The following IQGAP2 variants were observed in gnomAD, a reference collection of about 807,000 sequenced individuals.
IQGAP2 encodes ras GTPase-activating-like protein IQGAP2.
IQGAP2 carries 173 observed loss-of-function variants against 201.3 expected under a neutral mutation model. That is an observed-to-expected ratio of 0.86 (90% CI 0.76 to 0.98). The LOEUF (loss-of-function observed/expected upper bound fraction) is 0.98. Among genes scored for constraint, IQGAP2 ranks in the 50% least tolerant of loss-of-function variants. The pLI is 0.00. For missense variants in IQGAP2, 1,687 were observed against 1,864.8 expected, an observed-to-expected ratio of 0.90 and a Z score of 1.76; for synonymous variants, 675 against 673.9, an observed-to-expected ratio of 1.00 and a Z score of -0.03.
chr5:76,583,145 A>G (rs1467806012), intron 5 of IQGAP2, among the ~76,000 whole-genome samples: 1 of 152,256 alleles, frequency 6.6e-6, no homozygotes, highest in Non-Finnish European at 1.5e-5. Flanking sequence ...GAAGAGCTAC[A>G]TGAGATTGGC....
chr5:76,591,951 C>T (rs1035338353), intron 8 of IQGAP2, among the ~76,000 whole-genome samples: 1 of 152,194 alleles, frequency 6.6e-6, no homozygotes, highest in Non-Finnish European at 1.5e-5. Flanking sequence ...CCCTGTGTCC[C>T]ATGCATTGCT....
intron 1 of IQGAP2, among the ~76,000 whole-genome samples, chr5:76,411,328 C>T (rs7706926): frequency 1.3e-5 from 2 of 151,974 alleles, no homozygotes; most frequent in African/African-American, 2.4e-5. Context: ...GCTAACCAGG[C>T]CTTGATTACT....
At position 76,698,073 on chromosome 5, in the gene IQGAP2, G is replaced by C; in HGVS notation, c.4293G>C (p.Lys1431Asn). The C allele has an allele frequency of 1.2e-6, 2 of 1,612,958 alleles. No individual in the cohort carries two copies. The highest frequency in any genetic ancestry group is 8.5e-7 in the Non-Finnish European group (1 of 1,179,084). The change falls in exon 33 of 36, where the codon AAG becomes AAC. Residue 1431 changes from lysine (K) to asparagine (N), a missense_variant. By Grantham distance (94) the Lys-to-Asn change is moderately conservative. Transcript: ENST00000274364. The part of the protein sequence containing the change: ...LQQTLNALNK[K>N]AAFYEEQINY... Reference sequence around the variant, plus strand: ...AGACCCTGAATGCACTTAACAAGAAGGCAGCATTTTATGAAGAGCAAATCA... The same window carrying C: ...AGACCCTGAATGCACTTAACAAGAACGCAGCATTTTATGAAGAGCAAATCA...
chr5:76,649,381 A>G (rs184360571), intron 17 of IQGAP2, among the ~76,000 whole-genome samples: 18 of 152,358 alleles, frequency 1.2e-4, no homozygotes, highest in African/African-American at 4.1e-4. Context: ...AGGAGAAACT[A>G]AGAGCACTTG....
In IQGAP2 at chr5:76,592,851, CAGA is replaced by C. The variant is rs781061524; in HGVS notation, c.841_843del (p.Glu281del). 19 of 1,608,694 alleles carry C rather than the reference CAGA, an allele frequency of 1.2e-5. No individual in the cohort carries two copies. The highest frequency in any genetic ancestry group is 1.5e-5 in the Non-Finnish European group (18 of 1,175,368). On this transcript the variant is annotated inframe_deletion, in exon 9 of 36. Transcript: ENST00000274364. ...TTTGTTTTGCAGAATAGCTGTATTTCAGAAGAAGAAAGAGATGCTTATGAAGAA... is the reference window on the plus strand; with the variant it reads ...TTTGTTTTGCAGAATAGCTGTATTTCAGAAGAAAGAGATGCTTATGAAGAA...
intron 28 of IQGAP2, among the ~76,000 whole-genome samples, chr5:76,681,628 A>G (rs1371949806): frequency 2.0e-5 from 3 of 152,146 alleles, no homozygotes; most frequent in East Asian, 1.9e-4. Flanking sequence ...TGCAGCTGCT[A>G]TGGAAACAGG....
chr5:76,475,980 A>G (rs975478535), intron 2 of IQGAP2, among the ~76,000 whole-genome samples: 6 of 152,072 alleles, frequency 3.9e-5, no homozygotes, highest in African/African-American at 1.4e-4. Context: ...CCAGGATGGG[A>G]AAGATGGAGT....
At chr5:76,590,345 G>A in intron 7 of IQGAP2, 63 bp from the exon 8 acceptor site, 1 of 1,302,418 alleles carries the variant, frequency 7.7e-7, no homozygotes, top group East Asian at 2.3e-5. Context: ...CAGGGTCAAT[G>A]CAACTGTCCA....
At position 76,552,251 on chromosome 5, in the gene IQGAP2, C is replaced by A. The variant is rs73766939; in HGVS notation, c.147-10145C>A. 3.3e-3 allele frequency among the ~76,000 whole-genome samples: 495 copies of A among 152,290 alleles called. 4 individuals are homozygous for A. The highest frequency in any genetic ancestry group is 0.011 in the African/African-American group (464 of 41,564). On this transcript the variant is annotated intron_variant, in intron 2 of 35. Coordinates refer to ENST00000274364, the MANE Select transcript of IQGAP2 (RefSeq NM_006633.5). ...AGCAGTGTTTCTGCTACTGGTAGAA[C>A]CCCGTCTCTATTCCTGGCTTCTGTT... is the stretch of plus-strand genomic sequence containing the variant.
rs1752622631 is a variant in IQGAP2 at position 76,652,806 on chromosome 5, C to T, written c.2151C>T (p.Phe717=). ...AGTATATGCACAGGCGGCAAACGTT[C>T]ATTGATAATACTGATTCTATTGTGA... ...RKEYMHRRQT[F]IDNTDSIVKI... The change falls in exon 18 of 36, where the codon TTC becomes TTT. Residue 717 remains phenylalanine (F), a synonymous_variant. Coordinates refer to ENST00000274364, the MANE Select transcript of IQGAP2 (RefSeq NM_006633.5). 3.1e-6 allele frequency: 5 copies of T among 1,608,022 alleles called. No homozygotes were observed. In the African/African-American group the frequency reaches 6.7e-5, roughly 21 times the overall value.
At chr5:76,683,696 C>A in intron 29 of IQGAP2, 80 bp from the exon 30 acceptor site, 1 of 1,355,926 alleles carries the variant, frequency 7.4e-7, no homozygotes, top group Non-Finnish European at 1.0e-6. Context: ...ATCTTTCCCA[C>A]AGAACCTTTA....
chr5:76,624,269 A>C (rs1434359566), intron 13 of IQGAP2: 1 of 152,166 alleles, frequency 6.6e-6, no homozygotes, highest in African/African-American at 2.4e-5. Context: ...CTTAATATAC[A>C]GTAAAAAAAT....
chr5:76,484,052 T>C (rs376045964), intron 2 of IQGAP2, among the ~76,000 whole-genome samples: 23 of 146,570 alleles, frequency 1.6e-4, no homozygotes, highest in African/African-American at 5.7e-4. Flanking sequence ...GGGCGGAGAC[T>C]CTCATTGTTC....
In IQGAP2 at chr5:76,496,793, C is replaced by CTT. The variant is rs1475794999; in HGVS notation, c.146+35125_146+35126insTT. On this transcript the variant is annotated intron_variant, in intron 2 of 35. Transcript: ENST00000274364. ...TCTTTCTTTCTTTCTTTCTTTCTTT[C>CTT]TCTTTCTTTCTTTCTCTTTCTTTCT... Among the ~76,000 whole-genome samples, 243 of 66,228 alleles carry CTT rather than the reference C, an allele frequency of 3.7e-3. 1 individual carries two copies. The highest frequency in any genetic ancestry group is 0.012 in the Admixed American group (60 of 4,968). 43.4% of individuals were successfully genotyped at this position (66,228 alleles called of 152,430 possible).
chr5:76,441,883 C>T (rs1308968473), intron 1 of IQGAP2, among the ~76,000 whole-genome samples: 1 of 152,176 alleles, frequency 6.6e-6, no homozygotes, highest in African/African-American at 2.4e-5. Flanking sequence ...GAATGAAGTT[C>T]AGGCCTTTGA....
At chr5:76,435,866 G>C (rs1752620893) in intron 1 of IQGAP2, among the ~76,000 whole-genome samples, 1 of 152,146 alleles carries the variant, frequency 6.6e-6, no homozygotes, top group Non-Finnish European at 1.5e-5. Flanking sequence ...TCTTTCAGCA[G>C]TGTTTTGTAG....
At chr5:76,456,638 C>T (rs1396622197) in intron 1 of IQGAP2, among the ~76,000 whole-genome samples, 1 of 152,144 alleles carries the variant, frequency 6.6e-6, no homozygotes, top group Non-Finnish European at 1.5e-5. Flanking sequence ...TGAGAGGGGG[C>T]AGATATCCTT....
At chr5:76,427,642 G>T (rs1752085599) in intron 1 of IQGAP2, among the ~76,000 whole-genome samples, 1 of 152,216 alleles carries the variant, frequency 6.6e-6, no homozygotes, top group Admixed American at 6.5e-5. Context: ...CGTGTGTCAT[G>T]TGAGGATTTG....
At chr5:76,575,942 T>A (rs949514775) in intron 5 of IQGAP2, among the ~76,000 whole-genome samples, 173 bp downstream of exon 5, 1 of 152,210 alleles carries the variant, frequency 6.6e-6, no homozygotes, top group African/African-American at 2.4e-5. Context: ...ATATAAGCAA[T>A]TCTTGAACTT....
Sources: gnomAD v4.1 joint callset for allele counts (sites outside exome capture counted in the v4.1 genomes callset) on GRCh38, gnomAD v4.1.1 for gene constraint, MANE v1.5 for transcripts, NCBI Gene and HGNC (gene_info 2026-07-23, HGNC 2026-07-21) for gene names.